GPC6: variants seen among roughly 807,000 people sequenced by gnomAD.
GPC6 encodes the protein glypican 6, also known as glypican-6.
Under a neutral mutation model 55.2 loss-of-function variants are expected in GPC6, and 14 were observed. The ratio of observed to expected loss-of-function variants is 0.25; its 90% confidence interval spans 0.17 to 0.40. The LOEUF (loss-of-function observed/expected upper bound fraction) is 0.40. GPC6 is among the 10% of genes least tolerant of loss of function. The probability of loss-of-function intolerance (pLI) is 1.00; values close to 1 mark genes in which losing one functional copy is unlikely to be tolerated. For missense variants in GPC6, 641 were observed against 708.5 expected (o/e 0.90, Z 1.08); for synonymous variants, 278 against 259.6 (o/e 1.07, Z -0.68).
chr13:93,656,857 C>A (rs1396079026), intron 2 of GPC6, among the ~76,000 whole-genome samples: 1 of 151,824 alleles, frequency 6.6e-6, no homozygotes, highest in African/African-American at 2.4e-5. Flanking sequence ...TTCACAATAG[C>A]CACCAAAAGA....
At position 94,145,856 on chromosome 13, in the gene GPC6, A is replaced by C. The variant is rs577080667; in HGVS notation, c.877+117962A>C. Reference sequence around the variant, plus strand: ...GTTGAGTGAACATGAAGCATGAAGCAACTAACCCAATCTGGAGGTTTGGGT... The same window carrying C: ...GTTGAGTGAACATGAAGCATGAAGCCACTAACCCAATCTGGAGGTTTGGGT... On this transcript the variant is annotated intron_variant, in intron 4 of 8. Coordinates refer to ENST00000377047, the MANE Select transcript of GPC6 (RefSeq NM_005708.5). Among the ~76,000 whole-genome samples, 4 of 152,280 alleles carry C rather than the reference A, an allele frequency of 2.6e-5. No individual in the cohort carries two copies. The East Asian group carries it at 7.7e-4, about 29-fold the overall frequency.
At chr13:94,388,544 A>G (rs1227023147) in intron 7 of GPC6, among the ~76,000 whole-genome samples, 1 of 152,238 alleles carries the variant, frequency 6.6e-6, no homozygotes, top group African/African-American at 2.4e-5. Context: ...GATACATGGC[A>G]AGGATGAATA....
chr13:93,471,442 A>G (rs969705670), intron 1 of GPC6, among the ~76,000 whole-genome samples: 1 of 151,934 alleles, frequency 6.6e-6, no homozygotes, highest in African/African-American at 2.4e-5. Flanking sequence ...AGGCAGGAGA[A>G]TGGCATGAAC....
chr13:93,482,664 A>G (rs1026564181), intron 1 of GPC6, among the ~76,000 whole-genome samples: 4 of 152,132 alleles, frequency 2.6e-5, no homozygotes, highest in African/African-American at 9.7e-5. Flanking sequence ...AACCACAGAA[A>G]ATAAAAGAAA....
chr13:93,456,250 C>G (rs1396815609), intron 1 of GPC6, among the ~76,000 whole-genome samples: 1 of 152,054 alleles, frequency 6.6e-6, no homozygotes, highest in African/African-American at 2.4e-5. Context: ...AGAACAGGAT[C>G]ATGTAAATAT....
chr13:93,445,008 A>G (rs1024770438), intron 1 of GPC6, among the ~76,000 whole-genome samples: 3 of 152,132 alleles, frequency 2.0e-5, no homozygotes, highest in African/African-American at 4.8e-5. Context: ...TATGTAACTT[A>G]CTTTTTATTA....
At chr13:93,475,478 A>G (rs1879269425) in intron 1 of GPC6, among the ~76,000 whole-genome samples, 1 of 152,198 alleles carries the variant, frequency 6.6e-6, no homozygotes, top group African/African-American at 2.4e-5. Context: ...TTTTCTATAG[A>G]AAATAATAAA....
intron 1 of GPC6, among the ~76,000 whole-genome samples, chr13:93,232,038 C>G (rs1484762465): frequency 6.6e-6 from 1 of 151,408 alleles, no homozygotes; most frequent in Non-Finnish European, 1.5e-5. Context: ...CTCTGGAAAC[C>G]TGTCTTTCTG....
intron 2 of GPC6, among the ~76,000 whole-genome samples, chr13:93,708,102 G>A (rs1882918571): frequency 6.6e-6 from 1 of 151,684 alleles, no homozygotes; most frequent in Admixed American, 6.6e-5. Context: ...TCATTTAGCG[G>A]AAAACATTAT....
chr13:93,880,266 G>A (rs989366905), intron 3 of GPC6, among the ~76,000 whole-genome samples: 35 of 151,814 alleles, frequency 2.3e-4, no homozygotes, highest in African/African-American at 6.5e-4. Flanking sequence ...ACATGCACAC[G>A]TATGTTTATT....
chr13:94,026,235 A>C (rs1292875782), intron 3 of GPC6, among the ~76,000 whole-genome samples: 1 of 152,204 alleles, frequency 6.6e-6, no homozygotes, highest in East Asian at 1.9e-4. Flanking sequence ...AAAATTAAGA[A>C]AATGTTACAG....
chr13:93,915,815 A>G (rs903149972), intron 3 of GPC6, among the ~76,000 whole-genome samples: 1 of 152,134 alleles, frequency 6.6e-6, no homozygotes, highest in African/African-American at 2.4e-5. Flanking sequence ...GCTGCCCCCC[A>G]GTTAAGCCAT....
At chr13:94,061,814 G>A (rs1436701495) in intron 4 of GPC6, among the ~76,000 whole-genome samples, 1 of 151,358 alleles carries the variant, frequency 6.6e-6, no homozygotes, top group African/African-American at 2.4e-5. Flanking sequence ...AAACAAAAAT[G>A]TAGTTTCTGA....
In GPC6 at chr13:94,403,848, T is replaced by A. The variant is rs1269059627; in HGVS notation, c.*631T>A. 2 of 158,844 alleles carry A rather than the reference T, an allele frequency of 1.3e-5. No individual in the cohort carries two copies. The highest frequency in any genetic ancestry group is 2.8e-5 in the Non-Finnish European group (2 of 71,770). 9.8% of individuals were successfully genotyped at this position (158,844 alleles called of 1,614,324 possible). ...AAACAACACCAAATTAATCTGGAGG[T>A]ACTGATACTAAATTTGGAATCCCGT... is the stretch of plus-strand genomic sequence containing the variant. On this transcript the variant is annotated 3_prime_UTR_variant, in exon 9 of 9. Transcript: ENST00000377047.
chr13:94,267,658 G>C (rs758431681), intron 4 of GPC6, among the ~76,000 whole-genome samples: 1 of 152,084 alleles, frequency 6.6e-6, no homozygotes, highest in Admixed American at 6.5e-5. Context: ...TTCATTTCTT[G>C]CTCCATCTAA....
In GPC6 at chr13:93,227,963, G is replaced by A. The variant is rs1227056305; in HGVS notation, c.160+347G>A. On this transcript the variant is annotated intron_variant, in intron 1 of 8. Coordinates refer to ENST00000377047, the MANE Select transcript of GPC6 (RefSeq NM_005708.5). This position sits in a 1 kb window ranked among gnomAD's most constrained non-coding sequence, Gnocchi z 4.3. ...CTGCAAGGCGCAGACGGAGAGCCGA[G>A]CCGGGCGCTCACTCCGCGTTCTGGT... Among the ~76,000 whole-genome samples, 1 of 152,176 alleles carries A rather than the reference G, an allele frequency of 6.6e-6. No homozygotes were observed. Among genetic ancestry groups the A allele is most frequent in the East Asian group, 1.9e-4 (1 of 5,136 alleles).
intron 1 of GPC6, among the ~76,000 whole-genome samples, chr13:93,343,740 T>G (rs1022842032): frequency 7.2e-5 from 11 of 152,222 alleles, no homozygotes; most frequent in African/African-American, 2.7e-4. Flanking sequence ...TTAGACTACC[T>G]GACGTTTCTT....
chr13:94,306,574 A>G (rs1022502519), intron 6 of GPC6, among the ~76,000 whole-genome samples: 2 of 152,108 alleles, frequency 1.3e-5, no homozygotes, highest in African/African-American at 4.8e-5. Flanking sequence ...GAAACCCCAA[A>G]TCAATGTTAC....
intron 1 of GPC6, among the ~76,000 whole-genome samples, chr13:93,259,717 C>A (rs1306221703): frequency 3.9e-5 from 6 of 152,010 alleles, no homozygotes; most frequent in African/African-American, 1.4e-4. Context: ...AATATGCTAA[C>A]CTTCAGATAG....
Sources: allele counts gnomAD v4.1 joint callset (sites outside exome capture counted in the v4.1 genomes callset), GRCh38; gene constraint gnomAD v4.1.1; non-coding constraint Gnocchi (gnomAD v3.1); transcripts MANE v1.5; gene names NCBI Gene and HGNC (gene_info 2026-07-23, HGNC 2026-07-21).